LYST: variants seen among roughly 807,000 people sequenced by gnomAD.
The protein encoded by LYST is lysosomal-trafficking regulator.
Under a neutral mutation model 413.6 loss-of-function variants are expected in LYST, and 192 were observed. That is an observed-to-expected ratio of 0.46 (90% CI 0.41 to 0.52). The LOEUF (loss-of-function observed/expected upper bound fraction) is 0.52, where lower values mean the gene tolerates loss of function less well. LYST is among the 20% of genes least tolerant of loss of function. The probability of loss-of-function intolerance (pLI) is 0.00; values close to 1 mark genes in which losing one functional copy is unlikely to be tolerated. For synonymous variants in LYST, 1,525 were observed against 1,567.3 expected, an observed-to-expected ratio of 0.97 and a Z score of 0.64; for missense variants, 3,815 against 4,499.9, an observed-to-expected ratio of 0.85 and a Z score of 4.35.
chr1:235,867,126 G>A (rs988505078), upstream of LYST, among the ~76,000 whole-genome samples: 1 of 152,244 alleles, frequency 6.6e-6, no homozygotes, highest in Non-Finnish European at 1.5e-5. Flanking sequence ...GGGAAGGCAG[G>A]GGGGCGGGCC....
chr1:235,737,921 G>GTGAAGTGTA, intron 31 of LYST: 31 of 1,176,862 alleles, frequency 2.6e-5, no homozygotes, highest in South Asian at 2.5e-4. Context: ...CGACGAGTCT[G>GTGAAGTGTA]GATCTCACTG....
rs1234636088 is a variant in LYST, at chr1:235,664,366, A to G, written c.11195+99T>C. 8.8e-7 allele frequency: 1 copy of G among 1,132,494 alleles called. No homozygotes were observed. Among genetic ancestry groups the G allele is most frequent in the Non-Finnish European group, 1.3e-6 (1 of 765,632 alleles). 70.2% of individuals were successfully genotyped at this position (1,132,494 alleles called of 1,614,324 possible). ...CCCCAAGGTGAGTTTAAATCTCTAA[A>G]TACTGAATATTAATATGCCTAGATA... On this transcript the variant is annotated intron_variant, in intron 51 of 52. Transcript: ENST00000389793. This position sits in a 1 kb window ranked among gnomAD's most constrained non-coding sequence, Gnocchi z 4.5.
At chr1:235,754,172 A>T (rs572069054) in intron 25 of LYST, among the ~76,000 whole-genome samples, 1 of 147,640 alleles carries the variant, frequency 6.8e-6, no homozygotes. Context: ...TCCTATATGG[A>T]TCCTTTATGT....
chr1:235,663,107 A>T, intron 52 of LYST, 29 bp from the exon 53 acceptor site: 1 of 1,455,208 alleles, frequency 6.9e-7, no homozygotes, highest in Non-Finnish European at 9.7e-7. Flanking sequence ...TCCCATTTGT[A>T]CATTATATTT....
At chr1:235,670,559 C>T (rs1201099534) in intron 50 of LYST, among the ~76,000 whole-genome samples, 1 of 152,144 alleles carries the variant, frequency 6.6e-6, no homozygotes, top group Admixed American at 6.5e-5. Flanking sequence ...TGAGACCCAC[C>T]AGCATGATGA....
At chr1:235,821,022 C>G (rs1674691766) in intron 3 of LYST, among the ~76,000 whole-genome samples, 1 of 152,222 alleles carries the variant, frequency 6.6e-6, no homozygotes, top group Non-Finnish European at 1.5e-5. Flanking sequence ...ATTTCTCCAT[C>G]TTTCCCACAT....
At position 235,762,618 on chromosome 1, in the gene LYST, G is replaced by A. The variant is rs892076059; in HGVS notation, c.6253+102C>T. 3 of 1,168,454 alleles carry A rather than the reference G, an allele frequency of 2.6e-6. No homozygotes were observed. In the African/African-American group the frequency reaches 4.6e-5, roughly 18 times the overall value. The allele number at this position is 1,168,454 out of a possible 1,614,324, so 72.4% of individuals were successfully genotyped here. A position where few individuals can be genotyped will look rare whatever the true frequency, so the allele number is the denominator to read the frequency against. On this transcript the variant is annotated intron_variant, in intron 22 of 52. Transcript: ENST00000389793. ...CTGGGTGTCTCTTGTTAGATTGAAT[G>A]AGGTTGTACTACATATACTTCTAAA...
intron 1 of LYST, among the ~76,000 whole-genome samples, chr1:235,876,664 T>G (rs774598552): frequency 6.6e-6 from 1 of 152,194 alleles, no homozygotes; most frequent in Non-Finnish European, 1.5e-5. Flanking sequence ...TGATGTGACA[T>G]CCTGTTTGTT....
chr1:235,763,057 T>G (rs924959981), intron 21 of LYST, among the ~76,000 whole-genome samples: 1 of 152,210 alleles, frequency 6.6e-6, no homozygotes, highest in East Asian at 1.9e-4. Flanking sequence ...TTGTTTATTA[T>G]TTCTGGCCAC....
At chr1:235,864,396 C>T (rs368585550) in intron 1 of LYST, among the ~76,000 whole-genome samples, 4 of 152,154 alleles carry the variant, frequency 2.6e-5, no homozygotes, top group East Asian at 3.8e-4. Flanking sequence ...TAAACAAGTA[C>T]CCCATCTTTC....
intron 10 of LYST, among the ~76,000 whole-genome samples, chr1:235,798,405 G>A (rs1308018083): frequency 6.6e-6 from 1 of 150,906 alleles, no homozygotes; most frequent in African/African-American, 2.4e-5. Context: ...GTGTAATGGG[G>A]GAACTCTTTA....
upstream of LYST, among the ~76,000 whole-genome samples, chr1:235,871,875 A>C (rs553767207): frequency 9.8e-5 from 15 of 152,346 alleles, no homozygotes; most frequent in African/African-American, 3.6e-4. Flanking sequence ...ACGTCCTTGC[A>C]TTAAAAGATT....
intron 17 of LYST, among the ~76,000 whole-genome samples, chr1:235,776,145 G>A (rs1669207396): frequency 6.6e-6 from 1 of 151,956 alleles, no homozygotes; most frequent in Non-Finnish European, 1.5e-5. Flanking sequence ...GAGTTAAAGG[G>A]CTTTTAATTT....
Position 235,662,953 on chromosome 1 carries a change from T to A in LYST, c.11393A>T (p.Tyr3798Phe), listed in dbSNP as rs764978673. Residue 3798 changes from tyrosine (Y) to phenylalanine (F), a missense_variant, in exon 53 of 53, where the codon TAT (tyrosine) becomes TTT (phenylalanine). Tyr to Phe is a conservative substitution (Grantham distance 22). Transcript: ENST00000389793. ...GTTCATTCGCATTCACCCGGCTGCA[T>A]AGCTGCTAAGGAAGGAATAGAACAT... ...QPMFYSFLSS[Y>F]AAG 27 of 1,580,952 alleles carry A rather than the reference T, an allele frequency of 1.7e-5. No homozygotes were observed. In the Admixed American group the frequency reaches 4.3e-4, roughly 25 times the overall value.
At chr1:235,808,335 G>T (rs1673087174) in intron 5 of LYST, 120 bp downstream of exon 5, 2 of 794,600 alleles carry the variant, frequency 2.5e-6, no homozygotes, top group Non-Finnish European at 2.0e-6. Flanking sequence ...AAGCCCTGGA[G>T]ATATCAGTGT....
At chr1:235,864,537 G>T (rs1396290409) in intron 1 of LYST, among the ~76,000 whole-genome samples, 1 of 152,106 alleles carries the variant, frequency 6.6e-6, no homozygotes, top group Non-Finnish European at 1.5e-5. Flanking sequence ...CTGGATTAGG[G>T]CAACAGTTCC....
chr1:235,704,605 T>A (rs1392587229), intron 44 of LYST, among the ~76,000 whole-genome samples: 3 of 152,208 alleles, frequency 2.0e-5, no homozygotes, highest in African/African-American at 7.2e-5. Context: ...ATGAGGTTGT[T>A]TTTTTCTTAT....
At chr1:235,693,889 A>G (rs1660869363) in intron 46 of LYST, among the ~76,000 whole-genome samples, 2 of 152,216 alleles carry the variant, frequency 1.3e-5, no homozygotes, top group African/African-American at 4.8e-5. Flanking sequence ...GCAGGAAGAT[A>G]ACACTGCTAG....
At chr1:235,789,116 C>T (rs1017455959) in intron 12 of LYST, among the ~76,000 whole-genome samples, 4 of 152,204 alleles carry the variant, frequency 2.6e-5, no homozygotes, top group African/African-American at 9.6e-5. Flanking sequence ...GTGGGCGTAA[C>T]CAGACCGCTA....
Sources: gnomAD v4.1 joint callset for allele counts (sites outside exome capture counted in the v4.1 genomes callset) on GRCh38, gnomAD v4.1.1 for gene constraint, Gnocchi (gnomAD v3.1) non-coding constraint, MANE v1.5 for transcripts, NCBI Gene and HGNC (gene_info 2026-07-23, HGNC 2026-07-21) for gene names.